Variants in DNMT3A observed in about 807,000 individuals in gnomAD.
The protein encoded by DNMT3A is DNA methyltransferase 3 alpha, also known as DNA (cytosine-5)-methyltransferase 3A.
DNMT3A carries 267 observed loss-of-function variants against 117.6 expected under a neutral mutation model. That is an observed-to-expected ratio of 2.27 (90% CI 2.05 to 2.51). The LOEUF (loss-of-function observed/expected upper bound fraction) is 2.51, where lower values mean the gene tolerates loss of function less well. Among genes scored for constraint, DNMT3A ranks in the 30% most tolerant of loss-of-function variants. The pLI is 0.00. For missense variants in DNMT3A, 1,029 were observed against 1,260.2 expected, an observed-to-expected ratio of 0.82 and a Z score of 2.78; for synonymous variants, 432 against 474.8, an observed-to-expected ratio of 0.91 and a Z score of 1.17.
chr2:25,289,021 C>T (rs1325868379), intron 3 of DNMT3A, among the ~76,000 whole-genome samples: 1 of 152,214 alleles, frequency 6.6e-6, no homozygotes, highest in African/African-American at 2.4e-5. Context: ...CTTTCTCACC[C>T]AATCTCCTTA....
chr2:25,255,646 A>G (rs1169065017), intron 6 of DNMT3A, among the ~76,000 whole-genome samples: 2 of 152,180 alleles, frequency 1.3e-5, no homozygotes, highest in East Asian at 3.9e-4. Context: ...TTCATCAAGC[A>G]AACTTCCAAT....
Position 25,244,538 on chromosome 2 carries a change from A to T in DNMT3A, c.1667+2T>A. On this transcript the variant is annotated splice_donor_variant, in intron 14 of 22. Coordinates refer to ENST00000321117, the MANE Select transcript of DNMT3A (RefSeq NM_022552.5). LOFTEE classifies it high-confidence loss of function. Reference sequence around the variant, plus strand: ...GACCACTGGAGGCCACAACAGCCTCACCTGCAGCAGTTGTTGTTTCCGCAC... The same window carrying T: ...GACCACTGGAGGCCACAACAGCCTCTCCTGCAGCAGTTGTTGTTTCCGCAC... The T allele has an allele frequency of 6.2e-7, 1 of 1,614,070 alleles. No homozygotes were observed. The highest frequency in any genetic ancestry group is 8.5e-7 in the Non-Finnish European group (1 of 1,179,934).
chr2:25,276,789 C>T (rs956783009), intron 4 of DNMT3A, among the ~76,000 whole-genome samples: 12 of 152,268 alleles, frequency 7.9e-5, no homozygotes, highest in African/African-American at 7.2e-5. Flanking sequence ...GTCACTAAGG[C>T]TGGCTCATGG....
At chr2:25,334,448 G>A (rs989774006) in intron 1 of DNMT3A, among the ~76,000 whole-genome samples, 1 of 152,156 alleles carries the variant, frequency 6.6e-6, no homozygotes, top group Non-Finnish European at 1.5e-5. Context: ...CTCCCAAGAG[G>A]CTCTCACTAT....
intron 6 of DNMT3A, chr2:25,249,509 T>C: frequency 2.2e-6 from 2 of 901,756 alleles, no homozygotes; most frequent in South Asian, 3.1e-5. Context: ...CCCTTCTATG[T>C]GCACCCTTCA....
rs1673497069 is a variant in DNMT3A, at chr2:25,237,461, T to A, written c.2409-456A>T. 1.3e-5 allele frequency among the ~76,000 whole-genome samples: 2 copies of A among 152,172 alleles called. No homozygotes were observed. Among genetic ancestry groups the A allele is most frequent in the Non-Finnish European group, 2.9e-5 (2 of 68,016 alleles). On this transcript the variant is annotated intron_variant, in intron 20 of 22. Transcript: ENST00000321117. The surrounding 1 kb of genome is among the most constrained non-coding windows in gnomAD (Gnocchi z 5.4). ...TTAATCAAACCGCAAGCCTTAAATGTACTGCTTTAAAAGACTAAATTCTGG... is the reference window on the plus strand; with the variant it reads ...TTAATCAAACCGCAAGCCTTAAATGAACTGCTTTAAAAGACTAAATTCTGG...
chr2:25,247,284 G>T lies in DNMT3A; in HGVS notation c.1015-126C>A. On this transcript the variant is annotated intron_variant, in intron 8 of 22. Coordinates refer to ENST00000321117, the MANE Select transcript of DNMT3A (RefSeq NM_022552.5). The surrounding 1 kb of genome is among the most constrained non-coding windows in gnomAD (Gnocchi z 5.6). The stretch of plus-strand genomic sequence containing the variant: ...TCAGCCCTGGAGGGGACCAGATACA[G>T]TGATAAATAATTACCCGATGCAAAG... 1 of 950,520 alleles carries T rather than the reference G, an allele frequency of 1.1e-6. No individual in the cohort carries two copies. Among genetic ancestry groups the T allele is most frequent in the Non-Finnish European group, 1.6e-6 (1 of 623,748 alleles). 58.9% of individuals were successfully genotyped at this position (950,520 alleles called of 1,614,324 possible). A position where few individuals can be genotyped will look rare whatever the true frequency, so the allele number is the denominator to read the frequency against.
intron 1 of DNMT3A, among the ~76,000 whole-genome samples, chr2:25,325,531 G>A (rs1573499322): frequency 1.3e-5 from 2 of 152,138 alleles, no homozygotes; most frequent in South Asian, 4.1e-4. Context: ...TCCCCTGCGC[G>A]TGGCCCTGTT....
At chr2:25,239,107 C>G (rs1318377124) in intron 20 of DNMT3A, 23 bp downstream of exon 20, 1 of 1,611,732 alleles carries the variant, frequency 6.2e-7, no homozygotes, top group Non-Finnish European at 8.5e-7. Context: ...CACAGCCCCC[C>G]AGGCCCAGGA....
intron 12 of DNMT3A, 51 bp from the exon 13 acceptor site, chr2:25,245,383 C>T: frequency 1.3e-6 from 2 of 1,548,790 alleles, no homozygotes; most frequent in Non-Finnish European, 1.8e-6. Flanking sequence ...GGGCCTCTCC[C>T]TCCCCGGGCC....
In DNMT3A at chr2:25,240,318, A is replaced by T. The variant is rs746704362; in HGVS notation, c.2306T>A (p.Ile769Asn). The T allele has an allele frequency of 2.5e-6, 4 of 1,614,048 alleles. No homozygotes were observed. The highest frequency in any genetic ancestry group is 3.4e-6 in the Non-Finnish European group (4 of 1,180,032). The change falls in exon 19 of 23, where the codon ATC becomes AAC. Residue 769 changes from isoleucine (I) to asparagine (N), a missense_variant. Physicochemically the swap from Ile to Asn is moderately radical, Grantham distance 149. Coordinates refer to ENST00000321117, the MANE Select transcript of DNMT3A (RefSeq NM_022552.5). ...TGGCTATACCTCGAGAAATCGCGAG[A>T]TGTCCCTCTTGTCACTAACGCCCAT... Reference protein sequence around the residue: ...VAMGVSDKRDISRFLESNPVM... With the variant: ...VAMGVSDKRDNSRFLESNPVM...
At chr2:25,299,274 G>A (rs1186518873) in intron 3 of DNMT3A, among the ~76,000 whole-genome samples, 2 of 152,200 alleles carry the variant, frequency 1.3e-5, no homozygotes, top group Non-Finnish European at 2.9e-5. Flanking sequence ...GTTCCCAGAA[G>A]CCTGGCGCTG....
chr2:25,328,850 G>C, intron 1 of DNMT3A: 1 of 396,628 alleles, frequency 2.5e-6, no homozygotes, highest in Non-Finnish European at 5.4e-6. Context: ...GATCCCCAAG[G>C]TGAAGGGGTT....
At position 25,228,829 on chromosome 2, in the gene DNMT3A, C is replaced by T. The variant is rs1672767993; in HGVS notation, c.*5450G>A. On this transcript the variant is annotated 3_prime_UTR_variant, in exon 23 of 23. Coordinates refer to ENST00000321117, the MANE Select transcript of DNMT3A (RefSeq NM_022552.5). ...AATCGGTCTGTGAAGTGAAATGGGA[C>T]TAGGGGATGCTTTAGACCGCTGCTC... 6.6e-6 allele frequency: 1 copy of T among 152,166 alleles called. No homozygotes were observed. Among genetic ancestry groups the T allele is most frequent in the Non-Finnish European group, 1.5e-5 (1 of 68,042 alleles). The allele number at this position is 152,166 out of a possible 1,614,324, so 9.4% of individuals were successfully genotyped here.
chr2:25,269,031 G>GT (rs1407889866), intron 6 of DNMT3A, among the ~76,000 whole-genome samples: 2 of 152,218 alleles, frequency 1.3e-5, no homozygotes, highest in Admixed American at 6.5e-5. Context: ...AATATTAACC[G>GT]TAAGGACAGT....
rs556836966 is a variant in DNMT3A, at chr2:25,291,407, G to A, written c.178-8696C>T. Among the ~76,000 whole-genome samples the A allele has an allele frequency of 3.9e-5, 6 of 152,346 alleles. No individual in the cohort carries two copies. In the South Asian group the frequency reaches 1.2e-3, roughly 32 times the overall value. On this transcript the variant is annotated intron_variant, in intron 3 of 22. Transcript: ENST00000321117. The stretch of plus-strand genomic sequence containing the variant: ...GTGGCCTGTGGTAGGGAGAGCCAGA[G>A]ATGCCTGCTCCATGCCCACTCCAGG...
chr2:25,275,612 C>T (rs2031342373), intron 4 of DNMT3A, 69 bp from the exon 5 acceptor site: 1 of 1,506,728 alleles, frequency 6.6e-7, no homozygotes, highest in Non-Finnish European at 8.9e-7. Flanking sequence ...CTCACAGGCC[C>T]CACCTTGTGC....
At chr2:25,251,342 C>A (rs1414820448) in intron 6 of DNMT3A, among the ~76,000 whole-genome samples, 1 of 151,632 alleles carries the variant, frequency 6.6e-6, no homozygotes, top group Admixed American at 6.6e-5. Flanking sequence ...GAGGCTCTCG[C>A]ATTTGGGCTG....
rs1674869830 is a variant in DNMT3A, at chr2:25,246,941, G to T, written c.1122+110C>A. 9 of 1,462,972 alleles carry T rather than the reference G, an allele frequency of 6.2e-6. No homozygotes were observed. The South Asian group carries it at 1.0e-4, about 16-fold the overall frequency. The allele number at this position is 1,462,972 out of a possible 1,614,324, so 90.6% of individuals were successfully genotyped here. A position where few individuals can be genotyped will look rare whatever the true frequency, so the allele number is the denominator to read the frequency against. The stretch of plus-strand genomic sequence containing the variant: ...ACGGGCGAGCGAGGTGGAGAGAAAG[G>T]AGTCGCTGCCTCCTGGGCCTCCGTT... On this transcript the variant is annotated intron_variant, in intron 9 of 22. Coordinates refer to ENST00000321117, the MANE Select transcript of DNMT3A (RefSeq NM_022552.5).
Sources: gnomAD v4.1 joint callset for allele counts (sites outside exome capture counted in the v4.1 genomes callset) on GRCh38, gnomAD v4.1.1 for gene constraint, Gnocchi (gnomAD v3.1) non-coding constraint, MANE v1.5 for transcripts, NCBI Gene and HGNC (gene_info 2026-07-23, HGNC 2026-07-21) for gene names.